The following MDFIC2 variants were observed in gnomAD, a reference collection of about 807,000 sequenced individuals.
The protein encoded by MDFIC2 is MyoD family inhibitor domain containing 2, also known as myoD family inhibitor domain-containing protein 2.
At chr3:70,246,278 TCA>T (rs1459852630) in intron 2 of MDFIC2, among the ~76,000 whole-genome samples, 1 of 152,114 alleles carries the variant, frequency 6.6e-6, no homozygotes, top group Non-Finnish European at 1.5e-5. Context: ...AGGATAAAGG[TCA>T]CACTTTGTTA....
intron 2 of MDFIC2, among the ~76,000 whole-genome samples, chr3:70,306,054 A>C (rs1372463133): frequency 6.6e-6 from 1 of 152,104 alleles, no homozygotes; most frequent in Non-Finnish European, 1.5e-5. Flanking sequence ...GTCAACACTA[A>C]ATAAGTTTAG....
At chr3:70,252,905 C>A (rs1233160195) in intron 2 of MDFIC2, among the ~76,000 whole-genome samples, 1 of 151,896 alleles carries the variant, frequency 6.6e-6, no homozygotes, top group Non-Finnish European at 1.5e-5. Flanking sequence ...CATCGTGAAA[C>A]CCCCTCTCTA....
chr3:70,198,469 T>A (rs2106717857), intron 3 of MDFIC2, among the ~76,000 whole-genome samples: 1 of 152,330 alleles, frequency 6.6e-6, no homozygotes, highest in East Asian at 1.9e-4. Context: ...ATATGGAAAC[T>A]TCCTATGAAA....
chr3:70,232,767 C>T (rs1701572741), intron 2 of MDFIC2, among the ~76,000 whole-genome samples: 2 of 152,080 alleles, frequency 1.3e-5, no homozygotes, highest in South Asian at 4.1e-4. Flanking sequence ...AATATTTATT[C>T]CATCACAGGG....
intron 2 of MDFIC2, among the ~76,000 whole-genome samples, chr3:70,226,788 C>G (rs998058523): frequency 1.5e-5 from 2 of 136,516 alleles, no homozygotes; most frequent in Non-Finnish European, 3.2e-5. Context: ...CAATTAAAAA[C>G]AAGATATTCT....
intron 2 of MDFIC2, among the ~76,000 whole-genome samples, chr3:70,264,788 G>A (rs912842097): frequency 2.6e-5 from 4 of 152,202 alleles, no homozygotes; most frequent in Admixed American, 6.5e-5. Flanking sequence ...AATACAGGGA[G>A]CTATGGAAAC....
chr3:70,215,054 A>G (rs1394520291), intron 2 of MDFIC2, among the ~76,000 whole-genome samples: 5 of 152,154 alleles, frequency 3.3e-5, no homozygotes, highest in Non-Finnish European at 7.4e-5. Flanking sequence ...TTAAAAATAA[A>G]CCATAATTAT....
chr3:70,281,254 A>G (rs556547673), intron 2 of MDFIC2, among the ~76,000 whole-genome samples: 3 of 152,272 alleles, frequency 2.0e-5, no homozygotes, highest in African/African-American at 7.2e-5. Context: ...AAATTTCTTC[A>G]AGGTAACCTC....
chr3:70,223,903 A>G (rs764934940), intron 2 of MDFIC2, among the ~76,000 whole-genome samples: 16 of 151,870 alleles, frequency 1.1e-4, no homozygotes, highest in Non-Finnish European at 2.1e-4. Flanking sequence ...TGCTTCATCA[A>G]TCTAACTTTT....
In MDFIC2 at chr3:70,229,874, C is replaced by T. The variant is rs572669370; in HGVS notation, c.89-23084G>A. ...TACTGTCAATCAGCCTAGCTAATAA[C>T]ATGTTAATTTGGGATACAACTTATA... On this transcript the variant is annotated intron_variant, in intron 2 of 3. Coordinates refer to ENST00000567252, the MANE Select transcript of MDFIC2 (RefSeq NM_001364677.1). 5.9e-5 allele frequency among the ~76,000 whole-genome samples: 9 copies of T among 152,204 alleles called. No individual in the cohort carries two copies. In the South Asian group the frequency reaches 1.9e-3, roughly 32 times the overall value.
chr3:70,300,408 C>T lies in MDFIC2; in HGVS notation c.88+11478G>A, dbSNP rs568970515. 1.6e-4 allele frequency among the ~76,000 whole-genome samples: 24 copies of T among 152,026 alleles called. No individual in the cohort carries two copies. In the South Asian group the frequency reaches 4.6e-3, roughly 29 times the overall value. On this transcript the variant is annotated intron_variant, in intron 2 of 3. Coordinates refer to ENST00000567252, the MANE Select transcript of MDFIC2 (RefSeq NM_001364677.1). The stretch of plus-strand genomic sequence containing the variant: ...TTTGATTCTCTCATTTAAACTACCA[C>T]GTTATCTTACAAATTGAAGATATCC...
At chr3:70,237,018 A>G (rs187138635) in intron 2 of MDFIC2, among the ~76,000 whole-genome samples, 10 of 152,360 alleles carry the variant, frequency 6.6e-5, no homozygotes, top group Admixed American at 2.0e-4. Context: ...CAACATCTCC[A>G]CTTCATTACT....
chr3:70,259,366 G>A (rs1379681483), intron 2 of MDFIC2, among the ~76,000 whole-genome samples: 1 of 151,894 alleles, frequency 6.6e-6, no homozygotes. Context: ...TTGATAGACA[G>A]TGGAAGAAAT....
intron 2 of MDFIC2, among the ~76,000 whole-genome samples, chr3:70,240,875 A>G (rs1449337582): frequency 2.0e-5 from 3 of 152,184 alleles, no homozygotes; most frequent in Non-Finnish European, 2.9e-5. Flanking sequence ...AGATGACAGA[A>G]TTAGGGTACT....
At chr3:70,278,657 G>C (rs1324022148) in intron 2 of MDFIC2, among the ~76,000 whole-genome samples, 1 of 152,052 alleles carries the variant, frequency 6.6e-6, no homozygotes, top group Admixed American at 6.6e-5. Context: ...TGTCTTTTAT[G>C]TACAACTGAG....
intron 2 of MDFIC2, among the ~76,000 whole-genome samples, chr3:70,280,830 C>T (rs771174458): frequency 1.2e-4 from 18 of 152,196 alleles, no homozygotes; most frequent in South Asian, 2.1e-4. Flanking sequence ...ATCCCAGAGA[C>T]GGTACTGCCC....
chr3:70,272,666 T>TA (rs1188352317), intron 2 of MDFIC2, among the ~76,000 whole-genome samples: 1 of 152,202 alleles, frequency 6.6e-6, no homozygotes. Flanking sequence ...TTTAACTTTA[T>TA]AAAAAACTGC....
At chr3:70,257,784 C>G (rs139788262) in intron 2 of MDFIC2, among the ~76,000 whole-genome samples, 2 of 152,294 alleles carry the variant, frequency 1.3e-5, no homozygotes, top group African/African-American at 4.8e-5. Flanking sequence ...ATCCCAGCAG[C>G]AGGCATGTGT....
intron 2 of MDFIC2, among the ~76,000 whole-genome samples, chr3:70,279,605 G>T (rs1450784968): frequency 6.6e-6 from 1 of 152,144 alleles, no homozygotes; most frequent in Non-Finnish European, 1.5e-5. Flanking sequence ...CTGGGTTGAA[G>T]GCTCAGATTT....
Sources: gnomAD v4.1 joint callset for allele counts (sites outside exome capture counted in the v4.1 genomes callset) on GRCh38, gnomAD v4.1.1 for gene constraint, MANE v1.5 for transcripts, NCBI Gene and HGNC (gene_info 2026-07-23, HGNC 2026-07-21) for gene names.